ZRANB3: variants seen among roughly 807,000 people sequenced by gnomAD.
The protein encoded by ZRANB3 is DNA annealing helicase and endonuclease ZRANB3.
ZRANB3 carries 125 observed loss-of-function variants against 133.8 expected under a neutral mutation model. That is an observed-to-expected ratio of 0.93 (90% confidence interval 0.81 to 1.08). ZRANB3 has a LOEUF of 1.08. ZRANB3 is among the 50% of genes least tolerant of loss of function. ZRANB3 has a pLI of 0.00. For synonymous variants in ZRANB3, 387 were observed against 432.7 expected (o/e 0.89, Z 1.31); for missense variants, 1,229 against 1,275.5 (o/e 0.96, Z 0.56).
At chr2:135,521,970 GAA>G (rs1209033593) in intron 1 of ZRANB3, among the ~76,000 whole-genome samples, 2 of 152,140 alleles carry the variant, frequency 1.3e-5, no homozygotes, top group Non-Finnish European at 2.9e-5. Flanking sequence ...CCTCTGAGGA[GAA>G]AAGTCTCCTT....
Position 135,323,830 on chromosome 2 carries a change from C to T in ZRANB3, c.678-8300G>A, listed in dbSNP as rs113758081. 3.1e-3 allele frequency among the ~76,000 whole-genome samples: 469 copies of T among 151,862 alleles called. 4 individuals carry two copies. The highest frequency in any genetic ancestry group is 0.01 in the African/African-American group (422 of 41,406). ...ATCTCCAGGCTGGAGTGCAGTGGTT[C>T]GATCTCGGCTCACTGCAACCTCTGC... is the stretch of plus-strand genomic sequence containing the variant. On this transcript the variant is annotated intron_variant, in intron 6 of 20. Coordinates refer to ENST00000264159, the MANE Select transcript of ZRANB3 (RefSeq NM_032143.4).
chr2:135,392,896 T>C (rs1185638761), intron 2 of ZRANB3, among the ~76,000 whole-genome samples: 12 of 151,868 alleles, frequency 7.9e-5, no homozygotes, highest in Non-Finnish European at 1.2e-4. Flanking sequence ...TTTTTTTTTT[T>C]CTGAGACAGT....
chr2:135,314,660 A>G (rs1473079757), intron 7 of ZRANB3, among the ~76,000 whole-genome samples: 1 of 152,202 alleles, frequency 6.6e-6, no homozygotes, highest in Non-Finnish European at 1.5e-5. Flanking sequence ...TTTTTCTAGA[A>G]GAGAGTTATT....
chr2:135,498,670 G>A (rs191079871), intron 2 of ZRANB3, among the ~76,000 whole-genome samples: 2 of 152,294 alleles, frequency 1.3e-5, no homozygotes, highest in Admixed American at 6.5e-5. Context: ...GCAAACAGGA[G>A]AAATTTCACT....
chr2:135,503,307 G>A (rs1261623644), intron 2 of ZRANB3, among the ~76,000 whole-genome samples: 1 of 152,164 alleles, frequency 6.6e-6, no homozygotes, highest in Non-Finnish European at 1.5e-5. Flanking sequence ...TGGGACAGAA[G>A]GATAGAAGGA....
chr2:135,294,667 T>C (rs1681945300), intron 8 of ZRANB3, among the ~76,000 whole-genome samples: 2 of 152,200 alleles, frequency 1.3e-5, no homozygotes, highest in Admixed American at 1.3e-4. Flanking sequence ...CTTGCTTCTC[T>C]AGTTCTTTTA....
At chr2:135,390,961 A>G in intron 2 of ZRANB3, 141 bp from the exon 3 acceptor site, 2 of 843,584 alleles carry the variant, frequency 2.4e-6, no homozygotes, top group Non-Finnish European at 3.4e-6. Flanking sequence ...CCCAGGTCCA[A>G]GTGATTCTCC....
intron 2 of ZRANB3, among the ~76,000 whole-genome samples, chr2:135,434,984 C>CT (rs970113787): frequency 1.3e-5 from 2 of 150,108 alleles, no homozygotes; most frequent in African/African-American, 4.9e-5. Context: ...AAGAGTTAAA[C>CT]TTTTTTTTTA....
chr2:135,439,305 C>T lies in ZRANB3; in HGVS notation c.162-48485G>A, dbSNP rs548710762. The stretch of plus-strand genomic sequence containing the variant: ...CATCCAGATAATAATTTATTCATAA[C>T]GACCTCATTGATCTAGCTCTAATTA... On this transcript the variant is annotated intron_variant, in intron 2 of 20. Coordinates refer to ENST00000264159, the MANE Select transcript of ZRANB3 (RefSeq NM_032143.4). Among the ~76,000 whole-genome samples the T allele has an allele frequency of 2.6e-5, 4 of 152,174 alleles. No homozygotes were observed. In the South Asian group the frequency reaches 8.3e-4, roughly 32 times the overall value.
At position 135,313,610 on chromosome 2, in the gene ZRANB3, G is replaced by A; in HGVS notation, c.850-5C>T. The A allele has an allele frequency of 1.9e-6, 3 of 1,588,726 alleles. No individual in the cohort carries two copies. Among genetic ancestry groups the A allele is most frequent in the South Asian group, 1.1e-5 (1 of 89,540 alleles). ...TTCAAAGCTGGTATTCAATTCCTAT[G>A]TGGGAAAAAATAACACTGTTTATGA... On this transcript the variant is annotated splice_region_variant and splice_polypyrimidine_tract_variant and intron_variant, in intron 7 of 20. Coordinates refer to ENST00000264159, the MANE Select transcript of ZRANB3 (RefSeq NM_032143.4).
chr2:135,233,961 A>G, intron 12 of ZRANB3, among the ~76,000 whole-genome samples: 1 of 152,246 alleles, frequency 6.6e-6, no homozygotes, highest in Middle Eastern at 3.2e-3. Context: ...CTTAAATGTA[A>G]ATGGGCTAAA....
chr2:135,332,149 G>A (rs1452557519), intron 6 of ZRANB3, among the ~76,000 whole-genome samples: 1 of 152,058 alleles, frequency 6.6e-6, no homozygotes, highest in Non-Finnish European at 1.5e-5. Context: ...TATTAGTATA[G>A]TAGAATTATG....
intron 8 of ZRANB3, among the ~76,000 whole-genome samples, chr2:135,277,742 C>A (rs771022285): frequency 1.3e-5 from 2 of 151,786 alleles, no homozygotes; most frequent in Admixed American, 6.6e-5. Flanking sequence ...CTGGCCAACA[C>A]GGTGAAACCC....
intron 1 of ZRANB3, among the ~76,000 whole-genome samples, chr2:135,508,765 T>A (rs16831762): frequency 0.1 from 15,856 of 152,086 alleles, 1,095 homozygotes; most frequent in South Asian, 0.32. Flanking sequence ...AAAGGTGTAA[T>A]AAAGAATATC....
chr2:135,515,076 G>A lies in ZRANB3; in HGVS notation c.-7-10580C>T, dbSNP rs193250428. 7.6e-4 allele frequency among the ~76,000 whole-genome samples: 115 copies of A among 152,230 alleles called. 3 individuals carry two copies. The highest frequency in any genetic ancestry group is 6.5e-3 in the Admixed American group (99 of 15,284). ...AGTATTTTCGTATCGATGTTCATCA[G>A]AAATAATGGCCAGAAATCATCTTTT... On this transcript the variant is annotated intron_variant, in intron 1 of 20. Transcript: ENST00000264159.
At chr2:135,488,718 T>C (rs1218763424) in intron 2 of ZRANB3, among the ~76,000 whole-genome samples, 2 of 150,216 alleles carry the variant, frequency 1.3e-5, no homozygotes, top group African/African-American at 4.9e-5. Flanking sequence ...AAACACCACA[T>C]ATATGAAAGG....
At chr2:135,327,981 G>A (rs1012497765) in intron 6 of ZRANB3, among the ~76,000 whole-genome samples, 11 of 151,838 alleles carry the variant, frequency 7.2e-5, no homozygotes, top group Admixed American at 2.6e-4. Flanking sequence ...CCTTCTTTAT[G>A]TACTTAAGTA....
chr2:135,430,626 T>C (rs1240741245), intron 2 of ZRANB3, among the ~76,000 whole-genome samples: 2 of 152,120 alleles, frequency 1.3e-5, no homozygotes, highest in African/African-American at 4.8e-5. Context: ...CAGCTCTAAG[T>C]AGAGTTTTCT....
chr2:135,393,842 C>T (rs1898524), intron 2 of ZRANB3, among the ~76,000 whole-genome samples: 8,584 of 151,992 alleles, frequency 0.056, 472 homozygotes, highest in African/African-American at 0.14. Context: ...CTAACTGAAA[C>T]GAAAAGCAGC....
Sources: allele counts gnomAD v4.1 joint callset (sites outside exome capture counted in the v4.1 genomes callset), GRCh38; gene constraint gnomAD v4.1.1; transcripts MANE v1.5; gene names NCBI Gene and HGNC (gene_info 2026-07-23, HGNC 2026-07-21).